Variants in KIF13B observed in about 807,000 individuals in gnomAD.
KIF13B encodes the protein kinesin-like protein KIF13B.
In KIF13B, 127 loss-of-function variants were observed where a neutral mutation model predicts 222.0. The ratio of observed to expected loss-of-function variants is 0.57; its 90% CI spans 0.50 to 0.66. The LOEUF is 0.66. Ranked by LOEUF, KIF13B falls within the 30% of genes least tolerant of loss-of-function variation. KIF13B has a pLI of 0.00. For missense variants in KIF13B, 2,173 were observed against 2,379.0 expected (o/e 0.91, Z 1.80); for synonymous variants, 976 against 919.0 (o/e 1.06, Z -1.12).
Position 29,070,513 on chromosome 8 carries a change from C to T in KIF13B, c.5472G>A (p.Trp1824Ter), listed in dbSNP as rs781160340. ...SHKNPENRKS[W>*]AS ...GCCCTAAGGCAGCGGCTCAGCTGGCCCAGGATTTCCGGTTCTCAGGGTTCT... is the reference window on the plus strand; with the variant it reads ...GCCCTAAGGCAGCGGCTCAGCTGGCTCAGGATTTCCGGTTCTCAGGGTTCT... Residue 1824 changes from tryptophan to a stop codon, truncating the protein, a stop_gained, in exon 40 of 40, where the codon TGG becomes TGA. Coordinates refer to ENST00000524189, the MANE Select transcript of KIF13B (RefSeq NM_015254.4). LOFTEE classifies it high-confidence loss of function. The surrounding 1 kb of genome is among the most constrained non-coding windows in gnomAD (Gnocchi z 4.1). 3.1e-6 allele frequency: 5 copies of T among 1,610,544 alleles called. No homozygotes were observed. Among genetic ancestry groups the T allele is most frequent in the Non-Finnish European group, 4.2e-6 (5 of 1,178,816 alleles).
chr8:29,245,557 T>C, intron 1 of KIF13B, 118 bp from the exon 2 acceptor site: 2 of 695,822 alleles, frequency 2.9e-6, no homozygotes, highest in African/African-American at 1.8e-5. Context: ...CTCAATGAAG[T>C]AGGAATAAAA....
intron 8 of KIF13B, 55 bp from the exon 9 acceptor site, chr8:29,177,633 G>T: frequency 8.5e-7 from 1 of 1,178,608 alleles, no homozygotes; most frequent in Non-Finnish European, 1.3e-6. Context: ...CAGGTGTGGT[G>T]GCTCATGCCA....
At chr8:29,150,493 A>C (rs1563743061) in intron 14 of KIF13B, 110 bp from the exon 15 acceptor site, 2 of 588,992 alleles carry the variant, frequency 3.4e-6, no homozygotes, top group Non-Finnish European at 6.0e-6. Flanking sequence ...TAATTCCCCC[A>C]AACACAACCT....
intron 18 of KIF13B, among the ~76,000 whole-genome samples, chr8:29,143,908 C>T (rs957180997): frequency 6.6e-6 from 1 of 151,596 alleles, no homozygotes; most frequent in Non-Finnish European, 1.5e-5. Flanking sequence ...CACACCTCCC[C>T]CCCAAAAAAA....
At chr8:29,168,613 C>T (rs1314800945) in intron 10 of KIF13B, among the ~76,000 whole-genome samples, 1 of 152,150 alleles carries the variant, frequency 6.6e-6, no homozygotes, top group East Asian at 1.9e-4. Context: ...TGAGGTGGCC[C>T]TACGAAGAGA....
At chr8:29,235,669 T>C (rs927281402) in intron 2 of KIF13B, among the ~76,000 whole-genome samples, 7 of 152,054 alleles carry the variant, frequency 4.6e-5, no homozygotes, top group Non-Finnish European at 5.9e-5. Context: ...AGTACAAATA[T>C]TAGAAAACAA....
chr8:29,126,459 G>A, intron 26 of KIF13B, 23 bp downstream of exon 26: 1 of 1,475,610 alleles, frequency 6.8e-7, no homozygotes, highest in Non-Finnish European at 9.4e-7. Flanking sequence ...TATTTGAGAT[G>A]AGATTAACAG....
At chr8:29,108,481 C>G (rs1809202347) in intron 34 of KIF13B, among the ~76,000 whole-genome samples, 1 of 152,358 alleles carries the variant, frequency 6.6e-6, no homozygotes, top group South Asian at 2.1e-4. Flanking sequence ...GTGAGCCCTT[C>G]TGTGTGAAAG....
Position 29,134,046 on chromosome 8 carries a change from A to G in KIF13B, c.2778T>C (p.His926=). 5 of 1,612,524 alleles carry G rather than the reference A, an allele frequency of 3.1e-6. No individual in the cohort carries two copies. The highest frequency in any genetic ancestry group is 4.2e-6 in the Non-Finnish European group (5 of 1,179,272). ...CTCTGGAAAACAAACTCACATTGCA[A>G]TGATCAAAGACAACCATGCAGTGCG... The part of the protein sequence containing the change: ...KEPHCMVVFD[H]CNEFSVNITE... Residue 926 remains histidine (H), a synonymous_variant, in exon 22 of 40, where the codon CAT becomes CAC. Coordinates refer to ENST00000524189, the MANE Select transcript of KIF13B (RefSeq NM_015254.4).
intron 2 of KIF13B, among the ~76,000 whole-genome samples, chr8:29,205,517 G>C (rs1157468893): frequency 1.3e-5 from 2 of 152,086 alleles, no homozygotes; most frequent in African/African-American, 4.8e-5. Context: ...CCAAATCCAA[G>C]TCCTAAGAAT....
At chr8:29,259,214 G>C (rs1816595737) in intron 1 of KIF13B, among the ~76,000 whole-genome samples, 1 of 151,448 alleles carries the variant, frequency 6.6e-6, no homozygotes, top group African/African-American at 2.4e-5. Context: ...GATTACCAAG[G>C]CACTGACTCT....
chr8:29,163,583 AG>A (rs1417599420), intron 12 of KIF13B, among the ~76,000 whole-genome samples: 1 of 152,236 alleles, frequency 6.6e-6, no homozygotes, highest in Non-Finnish European at 1.5e-5. Context: ...CTCTACTGTC[AG>A]AAATAGATTT....
At chr8:29,088,442 C>T (rs1808145411) in intron 37 of KIF13B, among the ~76,000 whole-genome samples, 1 of 152,022 alleles carries the variant, frequency 6.6e-6, no homozygotes, top group African/African-American at 2.4e-5. Flanking sequence ...TACAATCCTC[C>T]CCACTCCCTT....
At chr8:29,094,406 TA>T (rs1406652109) in intron 36 of KIF13B, among the ~76,000 whole-genome samples, 1 of 152,134 alleles carries the variant, frequency 6.6e-6, no homozygotes, top group Non-Finnish European at 1.5e-5. Context: ...TTCTCACCAA[TA>T]AAAAATAAAT....
chr8:29,145,956 T>C (rs1180381834), intron 18 of KIF13B: 1 of 257,302 alleles, frequency 3.9e-6, no homozygotes, highest in Non-Finnish European at 7.4e-6. Flanking sequence ...ACACAACTAA[T>C]GAGCAGTTTT....
chr8:29,254,928 T>C (rs141172414), intron 1 of KIF13B, among the ~76,000 whole-genome samples: 31 of 152,340 alleles, frequency 2.0e-4, no homozygotes, highest in African/African-American at 6.7e-4. Context: ...AAACACAGCA[T>C]ATCTGTGTAA....
chr8:29,199,902 T>C (rs1813619430), intron 2 of KIF13B, among the ~76,000 whole-genome samples: 1 of 152,250 alleles, frequency 6.6e-6, no homozygotes, highest in Admixed American at 6.5e-5. Context: ...CTATTCATTT[T>C]ATTTATAGAA....
chr8:29,202,655 C>A (rs1201888537), intron 2 of KIF13B, among the ~76,000 whole-genome samples: 2 of 152,152 alleles, frequency 1.3e-5, no homozygotes, highest in Non-Finnish European at 2.9e-5. Flanking sequence ...CAGCCAGTTC[C>A]CCTAGCAGTG....
chr8:29,140,011 A>C (rs906096862), intron 21 of KIF13B, 52 bp downstream of exon 21: 4 of 1,502,918 alleles, frequency 2.7e-6, no homozygotes, highest in Non-Finnish European at 2.7e-6. Flanking sequence ...TAATGGCAAA[A>C]ACTGCAATGA....
Sources: allele counts gnomAD v4.1 joint callset (sites outside exome capture counted in the v4.1 genomes callset), GRCh38; gene constraint gnomAD v4.1.1; non-coding constraint Gnocchi (gnomAD v3.1); transcripts MANE v1.5; gene names NCBI Gene and HGNC (gene_info 2026-07-23, HGNC 2026-07-21).